QTMAN: variants seen among roughly 807,000 people sequenced by gnomAD.
The protein encoded by QTMAN is queuosine-tRNA mannosyltransferase.
chr2:144,218,466 C>G, the QTMAN span, among the ~76,000 whole-genome samples: 1 of 152,294 alleles, frequency 6.6e-6, no homozygotes, highest in African/African-American at 2.4e-5. Flanking sequence ...GAAACATTAT[C>G]TTGCTACCCT....
chr2:144,068,240 C>T, the QTMAN span, among the ~76,000 whole-genome samples: 3 of 152,086 alleles, frequency 2.0e-5, no homozygotes, highest in African/African-American at 7.2e-5. Context: ...TTTATCAGCT[C>T]TAAAGGCCTA....
the QTMAN span, among the ~76,000 whole-genome samples, chr2:144,315,029 G>C: frequency 6.6e-6 from 1 of 152,006 alleles, no homozygotes; most frequent in Admixed American, 6.5e-5. Context: ...GGAATTACAG[G>C]CACGCACCAC....
the QTMAN span, among the ~76,000 whole-genome samples, chr2:144,042,689 G>A: frequency 1.3e-5 from 2 of 151,266 alleles, no homozygotes; most frequent in African/African-American, 2.4e-5. Flanking sequence ...GCGTGAACCC[G>A]GAAGGCGGAG....
chr2:144,154,653 T>C, the QTMAN span, among the ~76,000 whole-genome samples: 2 of 152,244 alleles, frequency 1.3e-5, no homozygotes, highest in East Asian at 1.9e-4. Flanking sequence ...TTGTTAAAAA[T>C]GTGGGATCTA....
chr2:144,120,563 C>G, the QTMAN span, among the ~76,000 whole-genome samples: 1 of 152,178 alleles, frequency 6.6e-6, no homozygotes, highest in Non-Finnish European at 1.5e-5. Flanking sequence ...ATACATAAAG[C>G]TATGATGACA....
At chr2:144,204,985 G>T in the QTMAN span, among the ~76,000 whole-genome samples, 1 of 115,628 alleles carries the variant, frequency 8.6e-6, no homozygotes, top group African/African-American at 3.3e-5. Context: ...ACACACCGGG[G>T]CCTGTTGTGG....
At chr2:144,309,331 T>A in the QTMAN span, among the ~76,000 whole-genome samples, 1 of 151,768 alleles carries the variant, frequency 6.6e-6, no homozygotes, top group South Asian at 2.1e-4. Flanking sequence ...CATGGTAGTG[T>A]CATTCACTAT....
At chr2:144,332,927 A>T in the QTMAN span, among the ~76,000 whole-genome samples, 1 of 151,796 alleles carries the variant, frequency 6.6e-6, no homozygotes, top group South Asian at 2.1e-4. Flanking sequence ...TCGACCTCGG[A>T]TTCCCCGTGC....
chr2:143,969,844 T>C, the QTMAN span, among the ~76,000 whole-genome samples: 1 of 152,206 alleles, frequency 6.6e-6, no homozygotes, highest in African/African-American at 2.4e-5. Context: ...TGGGTGTAGT[T>C]CTTGACACTG....
the QTMAN span, among the ~76,000 whole-genome samples, chr2:144,072,129 T>C: frequency 1.3e-4 from 20 of 152,188 alleles, no homozygotes; most frequent in African/African-American, 4.8e-4. Flanking sequence ...AGCAAGCAAC[T>C]TCAATCCAAG....
At chr2:143,972,830 C>T in the QTMAN span, among the ~76,000 whole-genome samples, 1 of 152,144 alleles carries the variant, frequency 6.6e-6, no homozygotes, top group Admixed American at 6.5e-5. Context: ...CTTATAAAGT[C>T]TCTCTTATTA....
the QTMAN span, among the ~76,000 whole-genome samples, chr2:143,988,183 A>T: frequency 1.3e-5 from 2 of 152,166 alleles, no homozygotes; most frequent in Non-Finnish European, 2.9e-5. Context: ...CAGGAGAGGA[A>T]CCACATTTTC....
the QTMAN span, among the ~76,000 whole-genome samples, chr2:143,998,088 C>T: frequency 4.6e-5 from 7 of 151,958 alleles, no homozygotes; most frequent in East Asian, 1.9e-4. Flanking sequence ...AGCTCCCCAC[C>T]GCCTCTTTTG....
the QTMAN span, among the ~76,000 whole-genome samples, chr2:143,956,701 G>A: frequency 6.6e-6 from 1 of 152,024 alleles, no homozygotes; most frequent in Non-Finnish European, 1.5e-5. Context: ...TATTCCTCAT[G>A]TCCTCCTCCA....
At chr2:144,003,959 T>C in the QTMAN span, among the ~76,000 whole-genome samples, 2 of 152,062 alleles carry the variant, frequency 1.3e-5, no homozygotes, top group African/African-American at 2.4e-5. Context: ...TTTTTTATGA[T>C]AGAGGAGGGT....
At chr2:144,328,033 C>G in the QTMAN span, among the ~76,000 whole-genome samples, 4 of 152,122 alleles carry the variant, frequency 2.6e-5, no homozygotes, top group African/African-American at 7.2e-5. Context: ...CTCACTGCAA[C>G]CTCCACCGCC....
chr2:144,180,260 TTTGATTGA>T, the QTMAN span, among the ~76,000 whole-genome samples: 1 of 152,156 alleles, frequency 6.6e-6, no homozygotes, highest in South Asian at 2.1e-4. Context: ...AGATACGCAA[TTTGATTGA>T]TGGTATTTTT....
chr2:144,048,369 A>G, the QTMAN span, among the ~76,000 whole-genome samples: 2 of 152,204 alleles, frequency 1.3e-5, no homozygotes, highest in Non-Finnish European at 2.9e-5. Flanking sequence ...TTTCTTTCAG[A>G]TATTCACCCA....
At chr2:143,966,444 T>A in the QTMAN span, among the ~76,000 whole-genome samples, 1 of 152,214 alleles carries the variant, frequency 6.6e-6, no homozygotes, top group African/African-American at 2.4e-5. Flanking sequence ...ACATGTCTAC[T>A]TCATTCACCA....
Sources: gnomAD v4.1 joint callset for allele counts (sites outside exome capture counted in the v4.1 genomes callset) on GRCh38, gnomAD v4.1.1 for gene constraint, MANE v1.5 for transcripts, NCBI Gene and HGNC (gene_info 2026-07-23, HGNC 2026-07-21) for gene names.